Variants in ELF2 observed in about 807,000 individuals in gnomAD.
ELF2 encodes the protein ETS-related transcription factor Elf-2.
Under a neutral mutation model 54.8 loss-of-function variants are expected in ELF2, and 11 were observed. That is an observed-to-expected ratio of 0.20 (90% CI 0.13 to 0.33). ELF2 has a LOEUF of 0.33. Among genes scored for constraint, ELF2 ranks in the 10% least tolerant of loss-of-function variants. The pLI, the probability that ELF2 is intolerant of heterozygous loss-of-function variation, is 1.00. For missense variants in ELF2, 513 were observed against 703.0 expected (o/e 0.73, Z 3.06); for synonymous variants, 203 against 245.1 (o/e 0.83, Z 1.61).
At chr4:139,162,781 T>C (rs1741305468) in intron 1 of ELF2, among the ~76,000 whole-genome samples, 1 of 152,084 alleles carries the variant, frequency 6.6e-6, no homozygotes, top group African/African-American at 2.4e-5. Context: ...CACAAAATTA[T>C]GTTACGGAGA....
chr4:139,132,841 CATATATATATATATATAT>C (rs58765596), intron 3 of ELF2, among the ~76,000 whole-genome samples: 11 of 115,052 alleles, frequency 9.6e-5, no homozygotes, highest in African/African-American at 2.9e-4. Context: ...TATTACTTTA[CATATATATATATATATAT>C]ATATATATAT....
rs539780970 is a variant in ELF2 at position 139,060,948 on chromosome 4, C to T, written c.807-274G>A. Among the ~76,000 whole-genome samples the T allele has an allele frequency of 2.2e-4, 34 of 152,222 alleles. No individual in the cohort carries two copies. In the South Asian group the frequency reaches 4.1e-3, roughly 19 times the overall value. ...TCTTTTTCTTAAAAGAAATAATTTA[C>T]CTTACCGTTGACTATTTTACTATAC... On this transcript the variant is annotated intron_variant, in intron 8 of 9. Coordinates refer to ENST00000686138, the MANE Select transcript of ELF2 (RefSeq NM_001331036.3).
At chr4:139,062,394 C>T (rs1379673200) in intron 7 of ELF2, among the ~76,000 whole-genome samples, 1 of 152,204 alleles carries the variant, frequency 6.6e-6, no homozygotes, top group East Asian at 1.9e-4. Context: ...TGGTCTTGAA[C>T]TCCTGACCTC....
chr4:139,163,133 A>G (rs1050524736), intron 1 of ELF2, among the ~76,000 whole-genome samples: 2 of 152,180 alleles, frequency 1.3e-5, no homozygotes, highest in Non-Finnish European at 2.9e-5. Context: ...GATATATGAT[A>G]GTTCAAAATT....
rs1739929489 is a variant in ELF2, at chr4:139,151,081, A to AAAGAAAGAAGAAAGAAAG, written c.-251-11585_-251-11584insCTTTCTTTCTTCTTTCTT. Among the ~76,000 whole-genome samples, 68 of 147,090 alleles carry AAAGAAAGAAGAAAGAAAG rather than the reference A, an allele frequency of 4.6e-4. 3 individuals are homozygous for AAAGAAAGAAGAAAGAAAG. The highest frequency in any genetic ancestry group is 1.4e-3 in the African/African-American group (54 of 37,538). ...GAAAGAAAGAAAGAAAGAAAGAAAG[A>AAAGAAAGAAGAAAGAAAG]AAGAAAGAAAGAAAAAGAGAGCTAT... On this transcript the variant is annotated intron_variant, in intron 1 of 9. Coordinates refer to ENST00000686138, the MANE Select transcript of ELF2 (RefSeq NM_001331036.3).
chr4:139,073,659 G>C, intron 4 of ELF2, 92 bp from the exon 5 acceptor site: 2 of 582,972 alleles, frequency 3.4e-6, no homozygotes, highest in Non-Finnish European at 5.4e-6. Context: ...ACTCCTGAAA[G>C]AGAAATGAAA....
Position 139,125,185 on chromosome 4 carries a change from C to T in ELF2, c.217G>A (p.Glu73Lys). ...CTACCTGTTTCCACATTCTCGGTCT[C>T]AACTTCTTGTTCTTCTGCCACATCT... ...MQDVAEEQEV[E>K]TENVETVEAS... The change falls in exon 4 of 10, where the codon GAG becomes AAG. Residue 73 changes from glutamate to lysine, a missense_variant. Physicochemically the swap from Glu to Lys is moderately conservative, Grantham distance 56. This residue lies in a region of ELF2 where 203 missense variants were observed against 245.9 expected (regional missense o/e 0.83). Coordinates refer to ENST00000686138, the MANE Select transcript of ELF2 (RefSeq NM_001331036.3). 1 of 1,610,068 alleles carries T rather than the reference C, an allele frequency of 6.2e-7. No individual in the cohort carries two copies. The highest frequency in any genetic ancestry group is 8.5e-7 in the Non-Finnish European group (1 of 1,179,040).
At chr4:139,177,755 A>C (rs1317436813), upstream of ELF2, among the ~76,000 whole-genome samples, 1 of 150,998 alleles carries the variant, frequency 6.6e-6, no homozygotes, top group African/African-American at 2.4e-5. Flanking sequence ...GGGCCCCCGC[A>C]GGCCCCGCCG....
intron 4 of ELF2, chr4:139,102,325 A>G (rs1733962126): frequency 6.8e-6 from 1 of 147,428 alleles, no homozygotes; most frequent in African/African-American, 2.5e-5. Flanking sequence ...CATCGAGACC[A>G]TCCTGGCTAA....
intron 4 of ELF2, among the ~76,000 whole-genome samples, chr4:139,096,331 C>CT (rs536133091): frequency 1.9e-3 from 284 of 150,918 alleles, no homozygotes; most frequent in Admixed American, 2.8e-3. Context: ...GTCTGATGGA[C>CT]TTTTTTTTTA....
At position 139,060,094 on chromosome 4, in the gene ELF2, C is replaced by T. The variant is rs1437114489; in HGVS notation, c.1157+230G>A. Among the ~76,000 whole-genome samples the T allele has an allele frequency of 2.0e-5, 3 of 152,124 alleles. No homozygotes were observed. In the East Asian group the frequency reaches 5.8e-4, roughly 29 times the overall value. On this transcript the variant is annotated intron_variant, in intron 9 of 9. Coordinates refer to ENST00000686138, the MANE Select transcript of ELF2 (RefSeq NM_001331036.3). ...TGACCTCCTGTCCTCAAGCAATCCTCCTGTCTTGGACTCCCAAAGGGCTAT... is the reference window on the plus strand; with the variant it reads ...TGACCTCCTGTCCTCAAGCAATCCTTCTGTCTTGGACTCCCAAAGGGCTAT...
rs1199536372 is a variant in ELF2, at chr4:139,058,957, C to G, written c.*26G>C. The G allele has an allele frequency of 1.9e-6, 3 of 1,572,254 alleles. No individual in the cohort carries two copies. The highest frequency in any genetic ancestry group is 2.6e-6 in the Non-Finnish European group (3 of 1,159,946). ...TTATGTCAGTACTGCCACTAACAGCCTGAAGTCCATGGTGGAGCTGCTATT... is the reference window on the plus strand; with the variant it reads ...TTATGTCAGTACTGCCACTAACAGCGTGAAGTCCATGGTGGAGCTGCTATT... On this transcript the variant is annotated 3_prime_UTR_variant, in exon 10 of 10. Transcript: ENST00000686138.
chr4:139,114,387 G>A (rs1313245482), intron 4 of ELF2, among the ~76,000 whole-genome samples: 1 of 152,050 alleles, frequency 6.6e-6, no homozygotes, highest in Non-Finnish European at 1.5e-5. Flanking sequence ...TGGCCAACAT[G>A]GTGAAACCCC....
chr4:139,106,556 TATC>T (rs1179707525), intron 4 of ELF2, among the ~76,000 whole-genome samples: 3 of 152,182 alleles, frequency 2.0e-5, no homozygotes, highest in African/African-American at 4.8e-5. Flanking sequence ...GATATTTTCA[TATC>T]ATATTACGGT....
intron 6 of ELF2, among the ~76,000 whole-genome samples, chr4:139,070,527 G>C (rs375754040): frequency 2.0e-5 from 3 of 152,108 alleles, no homozygotes; most frequent in African/African-American, 7.2e-5. Context: ...CTGACCTCAA[G>C]TGATCCACCC....
intron 4 of ELF2, among the ~76,000 whole-genome samples, chr4:139,120,044 G>A (rs1216727282): frequency 6.6e-6 from 1 of 152,058 alleles, no homozygotes; most frequent in African/African-American, 2.4e-5. Flanking sequence ...AAAGTGCTGG[G>A]ATTACAGGCA....
In ELF2 at chr4:139,084,512, G is replaced by A. The variant is rs556763956; in HGVS notation, c.239-10945C>T. 2.6e-5 allele frequency: 21 copies of A among 795,832 alleles called. No individual in the cohort carries two copies. In the Admixed American group the frequency reaches 1.1e-3, roughly 41 times the overall value. 49.3% of individuals were successfully genotyped at this position (795,832 alleles called of 1,614,324 possible). On this transcript the variant is annotated intron_variant, in intron 4 of 9. Coordinates refer to ENST00000686138, the MANE Select transcript of ELF2 (RefSeq NM_001331036.3). ...TGGCAACGCGATCCTTCCGCCCCGC[G>A]CCCAAACAGGAAGTCCCGGACGCTT...
chr4:139,147,012 C>T (rs1487396339), intron 1 of ELF2, among the ~76,000 whole-genome samples: 1 of 152,004 alleles, frequency 6.6e-6, no homozygotes, highest in Non-Finnish European at 1.5e-5. Flanking sequence ...GCAACTAAAA[C>T]AAAAATAAAT....
intron 2 of ELF2, 58 bp from the exon 3 acceptor site, chr4:139,137,925 A>T: frequency 8.6e-7 from 1 of 1,160,808 alleles, no homozygotes; most frequent in Non-Finnish European, 1.1e-6. Flanking sequence ...GACATAAATA[A>T]AGCATAACTT....
Sources: gnomAD v4.1 joint callset for allele counts (sites outside exome capture counted in the v4.1 genomes callset) on GRCh38, gnomAD v4.1.1 for gene constraint, gnomAD v4.1.1 regional missense constraint, MANE v1.5 for transcripts, NCBI Gene and HGNC (gene_info 2026-07-23, HGNC 2026-07-21) for gene names.